CEP85L: variants seen among roughly 807,000 people sequenced by gnomAD.
CEP85L encodes the protein centrosomal protein 85L, also known as centrosomal protein of 85 kDa-like.
In CEP85L, 60 loss-of-function variants were observed where a neutral mutation model predicts 100.3. The ratio of observed to expected loss-of-function variants is 0.60; its 90% CI spans 0.49 to 0.74. The LOEUF (loss-of-function observed/expected upper bound fraction) is 0.74. Among genes scored for constraint, CEP85L ranks in the 30% least tolerant of loss-of-function variants. The pLI, the probability that CEP85L is intolerant of heterozygous loss-of-function variation, is 0.00. For missense variants in CEP85L, 973 were observed against 936.2 expected (o/e 1.04, Z -0.51); for synonymous variants, 319 against 322.7 (o/e 0.99, Z 0.12).
chr6:118,567,240 T>C (rs1335436646), intron 2 of CEP85L, among the ~76,000 whole-genome samples: 1 of 38,648 alleles, frequency 2.6e-5, no homozygotes, highest in Non-Finnish European at 5.4e-5. Flanking sequence ...TGTGTGTGTG[T>C]GTGTGTGTGT....
intron 1 of CEP85L, among the ~76,000 whole-genome samples, chr6:118,698,237 G>A (rs975860444): frequency 1.3e-5 from 2 of 152,184 alleles, no homozygotes; most frequent in African/African-American, 4.8e-5. Context: ...GACACTGAAA[G>A]TATAAACTCA....
chr6:118,472,792 C>A lies in CEP85L; in HGVS notation c.1915-2148G>T, dbSNP rs912866581. On this transcript the variant is annotated intron_variant, in intron 10 of 12. Coordinates refer to ENST00000368491, the MANE Select transcript of CEP85L (RefSeq NM_001042475.3). ...ATTAATAAAATTAAAAATTAATTTG[C>A]AAACACCTACAACAGCTCTCAAATT... Among the ~76,000 whole-genome samples, 3 of 152,094 alleles carry A rather than the reference C, an allele frequency of 2.0e-5. No individual in the cohort carries two copies. In the South Asian group the frequency reaches 6.2e-4, roughly 31 times the overall value.
chr6:118,562,908 G>A (rs1438547211), intron 3 of CEP85L, among the ~76,000 whole-genome samples: 2 of 152,136 alleles, frequency 1.3e-5, no homozygotes, highest in Admixed American at 6.6e-5. Context: ...GGATACTGCC[G>A]TTACGTGTAG....
At chr6:118,588,084 T>C (rs969682107) in intron 2 of CEP85L, among the ~76,000 whole-genome samples, 2 of 152,206 alleles carry the variant, frequency 1.3e-5, no homozygotes, top group Non-Finnish European at 2.9e-5. Context: ...GACAGCATCA[T>C]CTGGGGACAT....
rs1266466189 is a variant in CEP85L at position 118,462,219 on chromosome 6, C to A, written c.*3186G>T. On this transcript the variant is annotated 3_prime_UTR_variant, in exon 13 of 13. Transcript: ENST00000368491. ...AAATAAATTTCACTAAAATATAATA[C>A]TGTTAGCATTAAATATTGAATCCTA... is the stretch of plus-strand genomic sequence containing the variant. 1 of 152,002 alleles carries A rather than the reference C, an allele frequency of 6.6e-6. No homozygotes were observed. Among genetic ancestry groups the A allele is most frequent in the Non-Finnish European group, 1.5e-5 (1 of 67,890 alleles). The allele number at this position is 152,002 out of a possible 1,614,324, so 9.4% of individuals were successfully genotyped here.
intron 1 of CEP85L, among the ~76,000 whole-genome samples, chr6:118,672,737 A>G (rs1025377014): frequency 6.6e-6 from 1 of 152,062 alleles, no homozygotes; most frequent in African/African-American, 2.4e-5. Context: ...CTGCACTCCA[A>G]CCTGGGCAAC....
intron 5 of CEP85L, 44 bp from the exon 6 acceptor site, chr6:118,491,909 C>A: frequency 6.8e-7 from 1 of 1,467,330 alleles, no homozygotes; most frequent in African/African-American, 1.4e-5. Flanking sequence ...AAAAGTTTGT[C>A]TTGAACAAAT....
At chr6:118,677,668 C>G (rs944138154) in intron 1 of CEP85L, among the ~76,000 whole-genome samples, 3 of 152,164 alleles carry the variant, frequency 2.0e-5, no homozygotes, top group Admixed American at 1.3e-4. Context: ...GTGAACTTAT[C>G]ATATTCATTA....
Position 118,465,242 on chromosome 6 carries a change from C to T in CEP85L, c.*163G>A. 1.8e-6 allele frequency: 1 copy of T among 545,056 alleles called. No individual in the cohort carries two copies. The highest frequency in any genetic ancestry group is 3.1e-6 in the Non-Finnish European group (1 of 319,362). 33.8% of individuals were successfully genotyped at this position (545,056 alleles called of 1,614,324 possible). A position where few individuals can be genotyped will look rare whatever the true frequency, so the allele number is the denominator to read the frequency against. ...TTTTCTTTTTGCCTGATTAGATAAG[C>T]CCCTTCAAAATCTCTTCACTTCCCT... On this transcript the variant is annotated 3_prime_UTR_variant, in exon 13 of 13. Coordinates refer to ENST00000368491, the MANE Select transcript of CEP85L (RefSeq NM_001042475.3).
At chr6:118,631,356 C>T (rs960230990) in intron 2 of CEP85L, among the ~76,000 whole-genome samples, 7 of 152,138 alleles carry the variant, frequency 4.6e-5, no homozygotes, top group Admixed American at 1.3e-4. Context: ...AACTAGATCA[C>T]TTATACATAC....
intron 1 of CEP85L, among the ~76,000 whole-genome samples, chr6:118,687,036 G>C (rs1776857549): frequency 6.6e-6 from 1 of 151,958 alleles, no homozygotes; most frequent in African/African-American, 2.4e-5. Flanking sequence ...TGATCTTGTT[G>C]CTCCTCAAAT....
intron 4 of CEP85L, among the ~76,000 whole-genome samples, chr6:118,520,846 AAATGGTT>A (rs1170618894): frequency 6.6e-6 from 1 of 152,296 alleles, no homozygotes; most frequent in Non-Finnish European, 1.5e-5. Context: ...TCAATCACCT[AAATGGTT>A]ATAGTGGCAA....
At chr6:118,493,198 AACAGGCATTCT>A (rs1255192218) in intron 5 of CEP85L, among the ~76,000 whole-genome samples, 1 of 152,200 alleles carries the variant, frequency 6.6e-6, no homozygotes, top group Non-Finnish European at 1.5e-5. Flanking sequence ...TGGAAAAAGG[AACAGGCATTCT>A]AGAAAGAACA....
chr6:118,580,079 T>G (rs948591713), intron 2 of CEP85L, among the ~76,000 whole-genome samples: 24 of 152,302 alleles, frequency 1.6e-4, no homozygotes, highest in African/African-American at 5.5e-4. Context: ...CTGGACTCTA[T>G]GCAAATCAGA....
chr6:118,463,393 A>G lies in CEP85L; in HGVS notation c.*2012T>C, dbSNP rs1772328251. ...ATTTTAGGAAGCCTTTATTTCTAAA[A>G]TCATGGGGGAGGGTGGTTGGGATTC... On this transcript the variant is annotated 3_prime_UTR_variant, in exon 13 of 13. Transcript: ENST00000368491. The G allele has an allele frequency of 6.6e-6, 1 of 151,986 alleles. No individual in the cohort carries two copies. The highest frequency in any genetic ancestry group is 1.5e-5 in the Non-Finnish European group (1 of 67,914). The allele number at this position is 151,986 out of a possible 1,614,324, so 9.4% of individuals were successfully genotyped here.
chr6:118,593,496 A>C (rs571160018), intron 2 of CEP85L, among the ~76,000 whole-genome samples: 1 of 152,040 alleles, frequency 6.6e-6, no homozygotes. Context: ...GGTGCTACAC[A>C]CTTTTAAACA....
chr6:118,556,336 T>C (rs1198353724), intron 3 of CEP85L, among the ~76,000 whole-genome samples: 1 of 152,210 alleles, frequency 6.6e-6, no homozygotes. Flanking sequence ...AAAGAAAATT[T>C]GATAGAAGTT....
Position 118,469,221 on chromosome 6 carries a change from G to A in CEP85L, c.2105C>T (p.Ser702Phe), listed in dbSNP as rs368501966. 1 of 1,613,940 alleles carries A rather than the reference G, an allele frequency of 6.2e-7. No individual in the cohort carries two copies. Among genetic ancestry groups the A allele is most frequent in the African/African-American group, 1.3e-5 (1 of 74,906 alleles). ...PDQSRQQTVL[S>F]KRPLFDLTVI... The stretch of plus-strand genomic sequence containing the variant: ...AGTCAAATCAAATAGTGGCCGTTTG[G>A]AAAGAACTGTCTGCTGCCTAGATTG... The change falls in exon 12 of 13, where the codon TCC (serine) becomes TTC (phenylalanine). Residue 702 changes from serine (S) to phenylalanine (F), a missense_variant. Coordinates refer to ENST00000368491, the MANE Select transcript of CEP85L (RefSeq NM_001042475.3).
chr6:118,550,912 T>C (rs1583028044), intron 3 of CEP85L, among the ~76,000 whole-genome samples: 1 of 151,734 alleles, frequency 6.6e-6, no homozygotes, highest in Non-Finnish European at 1.5e-5. Flanking sequence ...AAACCAGAAA[T>C]ATACGAAAAT....
Sources: gnomAD v4.1 joint callset for allele counts (sites outside exome capture counted in the v4.1 genomes callset) on GRCh38, gnomAD v4.1.1 for gene constraint, MANE v1.5 for transcripts, NCBI Gene and HGNC (gene_info 2026-07-23, HGNC 2026-07-21) for gene names.